The following NR2F6 variants were observed in gnomAD, a reference collection of about 807,000 sequenced individuals.
NR2F6 encodes nuclear receptor subfamily 2 group F member 6, also known as ERBA-related gene-2.
A neutral mutation model predicts 26.5 loss-of-function variants in NR2F6; 16 were observed. The observed-to-expected ratio is 0.60, with a 90% CI of 0.41 to 0.92. The LOEUF (loss-of-function observed/expected upper bound fraction) is 0.92, where lower values mean the gene tolerates loss of function less well. NR2F6 is among the 40% of genes least tolerant of loss of function. The pLI is 0.00. For synonymous variants in NR2F6, 325 were observed against 305.0 expected (o/e 1.07, Z -0.68); for missense variants, 536 against 631.7 (o/e 0.85, Z 1.62).
intron 3 of NR2F6, among the ~76,000 whole-genome samples, chr19:17,233,511 T>A (rs2073419526): frequency 6.6e-6 from 1 of 152,082 alleles, no homozygotes; most frequent in African/African-American, 2.4e-5. Flanking sequence ...GTTCTAATTT[T>A]TTTTTCTTTA....
chr19:17,236,654 G>A (rs1161179537), intron 2 of NR2F6, among the ~76,000 whole-genome samples: 1 of 152,160 alleles, frequency 6.6e-6, no homozygotes, highest in Non-Finnish European at 1.5e-5. Context: ...ACCCAGCACT[G>A]GCTCTCTCCT....
At chr19:17,234,687 G>A (rs1246980187) in intron 3 of NR2F6, among the ~76,000 whole-genome samples, 1 of 151,882 alleles carries the variant, frequency 6.6e-6, no homozygotes, top group Non-Finnish European at 1.5e-5. Flanking sequence ...CGTCTCTACA[G>A]AAAACGTTTA....
chr19:17,241,498 G>A lies in NR2F6; in HGVS notation c.279-733C>T, dbSNP rs369717501. On this transcript the variant is annotated intron_variant, in intron 1 of 3. Coordinates refer to ENST00000291442, the MANE Select transcript of NR2F6 (RefSeq NM_005234.4). ...GTGGCCCCACCCTGAGAGGTGGTGA[G>A]CTCCCCATCCTGGGTCAGCCCCCAA... 1.5e-3 allele frequency among the ~76,000 whole-genome samples: 224 copies of A among 152,340 alleles called. 1 individual carries two copies. The South Asian group carries it at 0.022, about 15-fold the overall frequency.
chr19:17,239,946 C>G (rs553060161), intron 2 of NR2F6, among the ~76,000 whole-genome samples: 2 of 152,296 alleles, frequency 1.3e-5, no homozygotes, highest in East Asian at 3.9e-4. Flanking sequence ...ACCTGAAACC[C>G]AGCACAGGAG....
chr19:17,233,303 C>A (rs2073417924), intron 3 of NR2F6, among the ~76,000 whole-genome samples: 1 of 144,298 alleles, frequency 6.9e-6, no homozygotes, highest in Non-Finnish European at 1.5e-5. Context: ...AGTAATAAGA[C>A]CCTGTCTCAA....
At chr19:17,233,565 C>T (rs183824337) in intron 3 of NR2F6, among the ~76,000 whole-genome samples, 33 of 152,150 alleles carry the variant, frequency 2.2e-4, no homozygotes, top group Non-Finnish European at 3.8e-4. Context: ...TGTAGTGGCA[C>T]GATCTCACTG....
intron 3 of NR2F6, among the ~76,000 whole-genome samples, chr19:17,233,073 G>A (rs1323623204): frequency 6.6e-6 from 1 of 152,198 alleles, no homozygotes; most frequent in Non-Finnish European, 1.5e-5. Flanking sequence ...CTTGAGCCTG[G>A]GAGGCGGAGG....
rs925153555 is a variant in NR2F6 at position 17,242,301 on chromosome 19, A to C, written c.279-1536T>G. On this transcript the variant is annotated intron_variant, in intron 1 of 3. Coordinates refer to ENST00000291442, the MANE Select transcript of NR2F6 (RefSeq NM_005234.4). ...CCATCGCACTCCAGCCTGGGCAACA[A>C]GAGTGAAACTCCGTCTCAAAAACAA... Among the ~76,000 whole-genome samples the C allele has an allele frequency of 4.6e-5, 7 of 152,200 alleles. No homozygotes were observed. The East Asian group carries it at 5.8e-4, about 13-fold the overall frequency.
chr19:17,245,907 C>G lies in NR2F6; in HGVS notation c.-687G>C, dbSNP rs1269719200. ...ACCGACCCCGCGCGCCGGCCTCGCG[C>G]TGCGGCCGGTTTGACACACAGCGTT... is the stretch of plus-strand genomic sequence containing the variant. On this transcript the variant is annotated 5_prime_UTR_variant, in exon 1 of 4. Coordinates refer to ENST00000291442, the MANE Select transcript of NR2F6 (RefSeq NM_005234.4). This position sits in a 1 kb window ranked among gnomAD's most constrained non-coding sequence, Gnocchi z 5.0. 1 of 146,570 alleles carries G rather than the reference C, an allele frequency of 6.8e-6. No homozygotes were observed. The highest frequency in any genetic ancestry group is 1.5e-5 in the Non-Finnish European group (1 of 66,118). 9.1% of individuals were successfully genotyped at this position (146,570 alleles called of 1,614,324 possible).
At chr19:17,237,661 C>T (rs1042077106) in intron 2 of NR2F6, among the ~76,000 whole-genome samples, 10 of 152,144 alleles carry the variant, frequency 6.6e-5, no homozygotes, top group African/African-American at 1.9e-4. Flanking sequence ...CTGCCCACCT[C>T]GGCCTCCCAA....
intron 3 of NR2F6, among the ~76,000 whole-genome samples, chr19:17,232,918 C>T (rs991179073): frequency 3.9e-5 from 6 of 152,160 alleles, no homozygotes; most frequent in African/African-American, 1.4e-4. Context: ...GAGGCTGAGG[C>T]AGGTGGATCA....
chr19:17,232,224 T>C lies in NR2F6; in HGVS notation c.*128A>G. ...GAAAAGACAAACATTTCACAGTCTT[T>C]AAAAAATAGAAGTCTGAGGAGAGAA... On this transcript the variant is annotated 3_prime_UTR_variant, in exon 4 of 4. Coordinates refer to ENST00000291442, the MANE Select transcript of NR2F6 (RefSeq NM_005234.4). The C allele has an allele frequency of 2.4e-6, 3 of 1,272,750 alleles. No individual in the cohort carries two copies. The highest frequency in any genetic ancestry group is 3.2e-6 in the Non-Finnish European group (3 of 926,994). The allele number at this position is 1,272,750 out of a possible 1,614,324, so 78.8% of individuals were successfully genotyped here. A position where few individuals can be genotyped will look rare whatever the true frequency, so the allele number is the denominator to read the frequency against.
chr19:17,242,319 AAAAACAAAAC>A (rs371048792), intron 1 of NR2F6, among the ~76,000 whole-genome samples: 17 of 152,190 alleles, frequency 1.1e-4, no homozygotes, highest in Admixed American at 1.3e-4. Context: ...ACTCCGTCTC[AAAAACAAAAC>A]AAAACAAAAC....
chr19:17,241,251 G>A (rs953593192), intron 1 of NR2F6, among the ~76,000 whole-genome samples: 6 of 152,188 alleles, frequency 3.9e-5, no homozygotes, highest in African/African-American at 1.4e-4. Flanking sequence ...TCAGGCCAGG[G>A]GCTAGTGGTC....
chr19:17,244,914 C>T, intron 1 of NR2F6, 29 bp downstream of exon 1: 1 of 1,552,870 alleles, frequency 6.4e-7, no homozygotes. Context: ...GCGGGGTGCA[C>T]GGCGGCGGCG....
intron 1 of NR2F6, among the ~76,000 whole-genome samples, chr19:17,242,697 C>T (rs994681453): frequency 2.0e-5 from 3 of 152,288 alleles, no homozygotes; most frequent in South Asian, 2.1e-4. Context: ...CCAGGGCAGC[C>T]GGGTGGAAAC....
At position 17,235,631 on chromosome 19, in the gene NR2F6, T is replaced by C. The variant is rs932187812; in HGVS notation, c.808A>G (p.Met270Val). 6.5e-6 allele frequency: 10 copies of C among 1,543,562 alleles called. No homozygotes were observed. The highest frequency in any genetic ancestry group is 2.8e-5 in the African/African-American group (2 of 71,754). The change falls in exon 3 of 4, where the codon ATG (methionine) becomes GTG (valine). Residue 270 changes from methionine to valine, a missense_variant. Transcript: ENST00000291442. This position sits in a 1 kb window ranked among gnomAD's most constrained non-coding sequence, Gnocchi z 5.0. ...LAAAGLHAAP[M>V]AAERAVAFMD... is the part of the protein sequence containing the mutation. ...AAAGCCACGGCGCGCTCGGCGGCCA[T>C]AGGCGCGGCGTGGAGGCCGGCGGCG... is the stretch of plus-strand genomic sequence containing the variant.
chr19:17,242,557 C>T (rs8099896), intron 1 of NR2F6, among the ~76,000 whole-genome samples: 96,277 of 152,034 alleles, frequency 0.63, 30,830 homozygotes, highest in East Asian at 0.81. Context: ...CCCACTCCCC[C>T]GTACCCCCCC....
intron 2 of NR2F6, among the ~76,000 whole-genome samples, chr19:17,238,546 A>G (rs2073451636): frequency 6.6e-6 from 1 of 151,982 alleles, no homozygotes; most frequent in African/African-American, 2.4e-5. Context: ...AAATATTTCC[A>G]CCCGAGGCTT....
Sources: gnomAD v4.1 joint callset for allele counts (sites outside exome capture counted in the v4.1 genomes callset) on GRCh38, gnomAD v4.1.1 for gene constraint, Gnocchi (gnomAD v3.1) non-coding constraint, MANE v1.5 for transcripts, NCBI Gene and HGNC (gene_info 2026-07-23, HGNC 2026-07-21) for gene names.